The following SPTBN2 variants were observed in gnomAD, a reference collection of about 807,000 sequenced individuals.
SPTBN2 encodes spectrin beta, non-erythrocytic 2, also known as spectrin beta chain, non-erythrocytic 2.
A neutral mutation model predicts 284.2 loss-of-function variants in SPTBN2; 107 were observed. That is an observed-to-expected ratio of 0.38 (90% CI 0.32 to 0.44). The LOEUF is 0.44. Among genes scored for constraint, SPTBN2 ranks in the 20% least tolerant of loss-of-function variants. The pLI, the probability that SPTBN2 is intolerant of heterozygous loss-of-function variation, is 1.00. For synonymous variants in SPTBN2, 1,289 were observed against 1,354.8 expected, an observed-to-expected ratio of 0.95 and a Z score of 1.07; for missense variants, 2,569 against 3,287.1, an observed-to-expected ratio of 0.78 and a Z score of 5.34.
At chr11:66,698,326 T>C (rs1460254973) in intron 20 of SPTBN2, among the ~76,000 whole-genome samples, 2 of 152,224 alleles carry the variant, frequency 1.3e-5, no homozygotes, top group East Asian at 3.8e-4. Flanking sequence ...GCCCAAGCCC[T>C]TTCCAGACAA....
intron 10 of SPTBN2, among the ~76,000 whole-genome samples, chr11:66,709,322 CAT>C (rs1421298623): frequency 2.9e-4 from 44 of 152,120 alleles, no homozygotes; most frequent in Non-Finnish European, 5.4e-4. Context: ...GGATTACAGG[CAT>C]GCACCACCAC....
chr11:66,723,985 C>T (rs754109346), intron 1 of SPTBN2, among the ~76,000 whole-genome samples: 7 of 152,182 alleles, frequency 4.6e-5, no homozygotes, highest in Non-Finnish European at 8.8e-5. Context: ...ACTCTCTCTG[C>T]ACAGACCTGC....
At chr11:66,741,717 T>G (rs1435600411) in intron 1 of SPTBN2, among the ~76,000 whole-genome samples, 1 of 152,198 alleles carries the variant, frequency 6.6e-6, no homozygotes, top group East Asian at 1.9e-4. Flanking sequence ...TTCTTTGGGC[T>G]TCAAATTTCT....
Position 66,700,971 on chromosome 11 carries a change from A to G in SPTBN2, c.3128T>C (p.Val1043Ala). The change falls in exon 17 of 38, where the codon GTG (valine) becomes GCG (alanine). Residue 1043 changes from valine to alanine, a missense_variant. By Grantham distance (64) the Val-to-Ala change is moderately conservative. Coordinates refer to ENST00000533211, the MANE Select transcript of SPTBN2 (RefSeq NM_006946.4). The surrounding 1 kb of genome is among the most constrained non-coding windows in gnomAD (Gnocchi z 6.6). Reference protein sequence around the residue: ...AVAINARLREVQTGWEDLRAT... With the variant: ...AVAINARLREAQTGWEDLRAT... ...CCTGAGGTCCTCCCAGCCGGTCTGC[A>G]CCTCTCTCAGCCGGGCGTTGATGGC... The G allele has an allele frequency of 1.2e-6, 2 of 1,606,340 alleles. No individual in the cohort carries two copies. Among genetic ancestry groups the G allele is most frequent in the South Asian group, 2.2e-5 (2 of 91,072 alleles).
At position 66,700,419 on chromosome 11, in the gene SPTBN2, T is replaced by C; in HGVS notation, c.3573+107A>G. On this transcript the variant is annotated intron_variant, in intron 17 of 37. Coordinates refer to ENST00000533211, the MANE Select transcript of SPTBN2 (RefSeq NM_006946.4). This position sits in a 1 kb window ranked among gnomAD's most constrained non-coding sequence, Gnocchi z 6.6. Reference sequence around the variant, plus strand: ...GAATTTCAGGTGTGAACCACTGCGCTGCCCCATTTTGCTAGCATGTCCTTC... The same window carrying C: ...GAATTTCAGGTGTGAACCACTGCGCCGCCCCATTTTGCTAGCATGTCCTTC... The C allele has an allele frequency of 6.7e-7, 1 of 1,499,436 alleles. No homozygotes were observed. Among genetic ancestry groups the C allele is most frequent in the Non-Finnish European group, 9.1e-7 (1 of 1,096,096 alleles). 92.9% of individuals were successfully genotyped at this position (1,499,436 alleles called of 1,614,324 possible).
intron 1 of SPTBN2, among the ~76,000 whole-genome samples, chr11:66,735,835 G>A (rs1218582198): frequency 6.6e-6 from 1 of 152,156 alleles, no homozygotes; most frequent in Non-Finnish European, 1.5e-5. Flanking sequence ...TTAGCTATCA[G>A]TAGAAATGAG....
Position 66,685,507 on chromosome 11 carries a change from G to T in SPTBN2, c.*364C>A, listed in dbSNP as rs11828658. 3 of 313,062 alleles carry T rather than the reference G, an allele frequency of 9.6e-6. No homozygotes were observed. The highest frequency in any genetic ancestry group is 1.9e-5 in the Non-Finnish European group (3 of 160,938). The allele number at this position is 313,062 out of a possible 1,614,324, so 19.4% of individuals were successfully genotyped here. On this transcript the variant is annotated 3_prime_UTR_variant, in exon 38 of 38. Transcript: ENST00000533211. This position sits in a 1 kb window ranked among gnomAD's most constrained non-coding sequence, Gnocchi z 4.4. ...CAGAAGGCAGAAGGCGAGTGCCCTC[G>T]CATGGCAGGAGAATGACCCTGAGGC...
Position 66,701,103 on chromosome 11 carries a change from C to T in SPTBN2, c.2996G>A (p.Arg999His), listed in dbSNP as rs769417045. ...GTCCCGCTCCGTGCCGGCCAGCTTG[C>T]GCTGCAGGGCCAGCACCCCAGCCAG... ...NDLAGVLALQRKLAGTERDLE... is the reference protein window; with the variant it reads ...NDLAGVLALQHKLAGTERDLE... The change falls in exon 17 of 38, where the codon CGC becomes CAC. Residue 999 changes from arginine to histidine, a missense_variant. Physicochemically the swap from Arg to His is conservative, Grantham distance 29. This residue lies in a region of SPTBN2 where 1,012 missense variants were observed against 1,248.9 expected (regional missense o/e 0.81). Transcript: ENST00000533211. 1.5e-5 allele frequency: 24 copies of T among 1,612,726 alleles called. No individual in the cohort carries two copies. Among genetic ancestry groups the T allele is most frequent in the East Asian group, 6.7e-5 (3 of 44,898 alleles).
chr11:66,686,274 C>T (rs543706274), intron 37 of SPTBN2, 124 bp downstream of exon 37: 39 of 1,451,546 alleles, frequency 2.7e-5, no homozygotes, highest in Non-Finnish European at 3.8e-5. Context: ...GGCCGTCGCA[C>T]ACATCCAGTC....
chr11:66,711,616 C>T (rs1035897307), intron 8 of SPTBN2, among the ~76,000 whole-genome samples: 1 of 152,170 alleles, frequency 6.6e-6, no homozygotes, highest in African/African-American at 2.4e-5. Flanking sequence ...TGGCTTCCAG[C>T]GCACAACTGA....
Position 66,715,802 on chromosome 11 carries a change from C to G in SPTBN2, c.309+28G>C. 6.2e-7 allele frequency: 1 copy of G among 1,613,036 alleles called. No homozygotes were observed. Among genetic ancestry groups the G allele is most frequent in the Non-Finnish European group, 8.5e-7 (1 of 1,179,714 alleles). On this transcript the variant is annotated intron_variant, in intron 4 of 37. Transcript: ENST00000533211. The surrounding 1 kb of genome is among the most constrained non-coding windows in gnomAD (Gnocchi z 5.3). The stretch of plus-strand genomic sequence containing the variant: ...CCCTTGGACACTTTTCTAAGGCCCC[C>G]CCACTTCCCTTCATGACCACAGCTC...
At chr11:66,706,020 C>T (rs1175458830) in intron 13 of SPTBN2, among the ~76,000 whole-genome samples, 183 bp from the exon 14 acceptor site, 1 of 152,234 alleles carries the variant, frequency 6.6e-6, no homozygotes, top group East Asian at 1.9e-4. Flanking sequence ...CCTGAACTCC[C>T]CTGCTGTGGA....
chr11:66,691,715 G>T lies in SPTBN2; in HGVS notation c.5191-57C>A. On this transcript the variant is annotated intron_variant, in intron 26 of 37. Transcript: ENST00000533211. The surrounding 1 kb of genome is among the most constrained non-coding windows in gnomAD (Gnocchi z 8.0). ...CGTGATGTTAGGGGATGTGGTCCCT[G>T]CCTGATGGAGCGAGTCCTCCACTCC... is the stretch of plus-strand genomic sequence containing the variant. The T allele has an allele frequency of 6.2e-7, 1 of 1,608,398 alleles. No homozygotes were observed.
intron 3 of SPTBN2, among the ~76,000 whole-genome samples, chr11:66,720,085 T>C (rs979149353): frequency 6.6e-6 from 1 of 152,280 alleles, no homozygotes; most frequent in East Asian, 1.9e-4. Flanking sequence ...ACTTATTGTG[T>C]CTAGGGAGGG....
Position 66,693,082 on chromosome 11 carries a change from C to T in SPTBN2, c.4873G>A (p.Ala1625Thr), listed in dbSNP as rs751736175. ...AGCACCTGGTGCTTCTTCACCTCTG[C>T]CTGGGCACTCAGCTCATCCTGGGGG... Reference protein sequence around the residue: ...EKAKDELSAQAEVKKHQVLEQ... With the variant: ...EKAKDELSAQTEVKKHQVLEQ... The change falls in exon 25 of 38, where the codon GCA (alanine) becomes ACA (threonine). Residue 1625 changes from alanine to threonine, a missense_variant. Transcript: ENST00000533211. The surrounding 1 kb of genome is among the most constrained non-coding windows in gnomAD (Gnocchi z 5.7). The T allele has an allele frequency of 3.7e-6, 6 of 1,614,050 alleles. No individual in the cohort carries two copies. The East Asian group carries it at 8.9e-5, about 24-fold the overall frequency.
upstream of SPTBN2, among the ~76,000 whole-genome samples, chr11:66,734,098 T>A (rs144247784): frequency 2.0e-5 from 3 of 152,172 alleles, no homozygotes; most frequent in East Asian, 3.8e-4. Flanking sequence ...CCCTGCTTCT[T>A]GAAATTTTCT....
rs1942096889 is a variant in SPTBN2, at chr11:66,715,506, C to G, written c.310-111G>C. 2 of 1,382,190 alleles carry G rather than the reference C, an allele frequency of 1.4e-6. No individual in the cohort carries two copies. The highest frequency in any genetic ancestry group is 2.4e-5 in the East Asian group (1 of 41,650). The allele number at this position is 1,382,190 out of a possible 1,614,324, so 85.6% of individuals were successfully genotyped here. Reference sequence around the variant, plus strand: ...TTCCCCATGACCTACCTCAGGAACACAGACAGGCACAGCCCCAGGGCTGGA... The same window carrying G: ...TTCCCCATGACCTACCTCAGGAACAGAGACAGGCACAGCCCCAGGGCTGGA... On this transcript the variant is annotated intron_variant, in intron 4 of 37. Transcript: ENST00000533211. The surrounding 1 kb of genome is among the most constrained non-coding windows in gnomAD (Gnocchi z 5.3).
At chr11:66,716,360 G>A (rs899592442) in intron 3 of SPTBN2, among the ~76,000 whole-genome samples, 1 of 151,866 alleles carries the variant, frequency 6.6e-6, no homozygotes, top group Non-Finnish European at 1.5e-5. Flanking sequence ...GCGGGCGCCT[G>A]TAGTCCCAGC....
intron 1 of SPTBN2, chr11:66,727,887 T>C (rs1942679509): frequency 1.3e-5 from 2 of 150,056 alleles, no homozygotes; most frequent in Non-Finnish European, 3.0e-5. Flanking sequence ...GCCGCGAACG[T>C]GTCCGTCAGC....
Sources: allele counts gnomAD v4.1 joint callset (sites outside exome capture counted in the v4.1 genomes callset), GRCh38; gene constraint gnomAD v4.1.1; regional missense constraint gnomAD v4.1.1; non-coding constraint Gnocchi (gnomAD v3.1); transcripts MANE v1.5; gene names NCBI Gene and HGNC (gene_info 2026-07-23, HGNC 2026-07-21).